Variants in HIRA observed in about 807,000 individuals in gnomAD.
HIRA encodes protein HIRA.
A neutral mutation model predicts 126.6 loss-of-function variants in HIRA; 13 were observed. The ratio of observed to expected loss-of-function variants is 0.10; its 90% CI spans 0.07 to 0.16. HIRA has a LOEUF of 0.16. HIRA is among the 10% of genes least tolerant of loss of function. HIRA has a pLI of 1.00. For synonymous variants in HIRA, 511 were observed against 520.0 expected (o/e 0.98, Z 0.24); for missense variants, 834 against 1,314.4 (o/e 0.63, Z 5.65).
intron 15 of HIRA, among the ~76,000 whole-genome samples, chr22:19,372,360 ACCTGTGCTTTGTATATAT>A (rs1453547007): frequency 6.6e-6 from 1 of 152,008 alleles, no homozygotes; most frequent in Non-Finnish European, 1.5e-5. Context: ...ATTTTTATGT[ACCTGTGCTTTGTATATAT>A]TCTCTGCAGT....
At chr22:19,361,147 AGG>A in intron 17 of HIRA, 88 bp downstream of exon 17, 1 of 1,012,064 alleles carries the variant, frequency 9.9e-7, no homozygotes. Flanking sequence ...CCAATCTCCA[AGG>A]AAGTGACAAG....
chr22:19,401,255 G>A (rs2089266367), intron 5 of HIRA, among the ~76,000 whole-genome samples: 1 of 152,038 alleles, frequency 6.6e-6, no homozygotes, highest in Non-Finnish European at 1.5e-5. Context: ...TAAGCAATAC[G>A]CTGCCTGTTC....
rs9618550 is a variant in HIRA, at chr22:19,364,369, T to C, written c.1776-2438A>G. Among the ~76,000 whole-genome samples, 331 of 152,338 alleles carry C rather than the reference T, an allele frequency of 2.2e-3. 1 individual carries two copies. Among genetic ancestry groups the C allele is most frequent in the African/African-American group, 7.6e-3 (315 of 41,574 alleles). ...AAGTACACAGGCATACCTTGTGTTA[T>C]TGTGCTTTACTTCACTGTGCTTCGC... On this transcript the variant is annotated intron_variant, in intron 15 of 24. Coordinates refer to ENST00000263208, the MANE Select transcript of HIRA (RefSeq NM_003325.4).
At chr22:19,335,310 T>A (rs1249120570) in intron 24 of HIRA, among the ~76,000 whole-genome samples, 2 of 152,074 alleles carry the variant, frequency 1.3e-5, no homozygotes, top group Admixed American at 1.3e-4. Context: ...AGTGGCGTGA[T>A]CTTGGCTCAC....
intron 14 of HIRA, among the ~76,000 whole-genome samples, chr22:19,376,613 G>A (rs553736964): frequency 9.2e-5 from 14 of 152,250 alleles, no homozygotes; most frequent in South Asian, 4.1e-4. Context: ...GGCTCCCTTC[G>A]TCCTGGCATG....
intron 1 of HIRA, among the ~76,000 whole-genome samples, chr22:19,422,051 A>G (rs894802409): frequency 6.6e-6 from 1 of 152,056 alleles, no homozygotes; most frequent in Non-Finnish European, 1.5e-5. Flanking sequence ...GAGAGATGCA[A>G]ATGTTCCTTA....
At chr22:19,342,376 C>T (rs782242680) in intron 24 of HIRA, among the ~76,000 whole-genome samples, 24 of 152,082 alleles carry the variant, frequency 1.6e-4, no homozygotes, top group South Asian at 6.2e-4. Flanking sequence ...GTACAACCAC[C>T]GTGGAAAACA....
Position 19,356,981 on chromosome 22 carries a change from AGAG to A in HIRA, c.2302_2304del (p.Leu768del). On this transcript the variant is annotated inframe_deletion, in exon 19 of 25. Transcript: ENST00000263208. ...ATCGGGGATGGCAGGAGGATGGGAG[AGAG>A]GAGACGGCGACCACAGGTGGAGAAC... 6.2e-7 allele frequency: 1 copy of A among 1,613,804 alleles called. No individual in the cohort carries two copies. Among genetic ancestry groups the A allele is most frequent in the Non-Finnish European group, 8.5e-7 (1 of 1,179,938 alleles).
intron 7 of HIRA, among the ~76,000 whole-genome samples, chr22:19,396,457 A>G (rs566863951): frequency 2.6e-5 from 4 of 152,376 alleles, no homozygotes; most frequent in African/African-American, 7.2e-5. Context: ...CGGAGGTTGC[A>G]GTGAGCTGAG....
intron 9 of HIRA, among the ~76,000 whole-genome samples, chr22:19,390,380 G>T (rs894230381): frequency 6.6e-6 from 1 of 151,954 alleles, no homozygotes; most frequent in African/African-American, 2.4e-5. Context: ...ATCACCTGAG[G>T]TCAGGAGTTT....
chr22:19,363,811 T>C (rs1173107628), intron 15 of HIRA, among the ~76,000 whole-genome samples: 5 of 152,058 alleles, frequency 3.3e-5, no homozygotes, highest in Admixed American at 1.3e-4. Context: ...GGTAGGAGAA[T>C]TGCTTGAACC....
chr22:19,348,376 G>C (rs558168609), intron 24 of HIRA, among the ~76,000 whole-genome samples: 1 of 152,074 alleles, frequency 6.6e-6, no homozygotes, highest in Non-Finnish European at 1.5e-5. Flanking sequence ...ATCTGCAAAG[G>C]CTCCTGATAC....
At chr22:19,397,474 G>T (rs1198151257) in intron 6 of HIRA, among the ~76,000 whole-genome samples, 1 of 152,218 alleles carries the variant, frequency 6.6e-6, no homozygotes, top group African/African-American at 2.4e-5. Context: ...AAATGACCTG[G>T]ATCCATAAGG....
At chr22:19,416,246 A>G (rs747788993) in intron 1 of HIRA, among the ~76,000 whole-genome samples, 3 of 152,236 alleles carry the variant, frequency 2.0e-5, no homozygotes, top group African/African-American at 4.8e-5. Context: ...AGACCTGCAT[A>G]TATATCTTAG....
rs1001822023 is a variant in HIRA, at chr22:19,351,026, T to C, written c.2937+332A>G. 1 of 524,388 alleles carries C rather than the reference T, an allele frequency of 1.9e-6. No individual in the cohort carries two copies. Among genetic ancestry groups the C allele is most frequent in the South Asian group, 8.2e-5 (1 of 12,168 alleles). 32.5% of individuals were successfully genotyped at this position (524,388 alleles called of 1,614,324 possible). On this transcript the variant is annotated intron_variant, in intron 24 of 24. Coordinates refer to ENST00000263208, the MANE Select transcript of HIRA (RefSeq NM_003325.4). This position sits in a 1 kb window ranked among gnomAD's most constrained non-coding sequence, Gnocchi z 4.8. ...GTTGACCTAACTGCCTCCCTGTTTATGTGTGCATCCCTACCAGACCGAGCT... is the reference window on the plus strand; with the variant it reads ...GTTGACCTAACTGCCTCCCTGTTTACGTGTGCATCCCTACCAGACCGAGCT...
chr22:19,375,413 T>C (rs1168927107), intron 15 of HIRA, among the ~76,000 whole-genome samples: 2 of 152,148 alleles, frequency 1.3e-5, no homozygotes, highest in Non-Finnish European at 2.9e-5. Flanking sequence ...TGCCGCGTCC[T>C]CCCCCATGAC....
At chr22:19,395,315 C>G (rs889667716) in intron 7 of HIRA, among the ~76,000 whole-genome samples, 1 of 152,150 alleles carries the variant, frequency 6.6e-6, no homozygotes, top group African/African-American at 2.4e-5. Context: ...CCCACCTCAG[C>G]TCTCAGCCTA....
At position 19,375,714 on chromosome 22, in the gene HIRA, C is replaced by T. The variant is rs150078394; in HGVS notation, c.1692G>A (p.Ala564=). Residue 564 remains alanine, a synonymous_variant, in exon 15 of 25, where the codon GCG becomes GCA. Transcript: ENST00000263208. ...ACCGCTCTGTGAACCGGGAGTCAAA[C>T]GCTTTCATGGGTTCGATCTTGGACG... ...TTPSKIEPMK[A]FDSRFTERSK... is the part of the protein sequence containing the mutation. 29 of 1,614,010 alleles carry T rather than the reference C, an allele frequency of 1.8e-5. No homozygotes were observed. Among genetic ancestry groups the T allele is most frequent in the South Asian group, 6.6e-5 (6 of 91,090 alleles).
chr22:19,420,035 A>C (rs2089430922), intron 1 of HIRA, among the ~76,000 whole-genome samples: 1 of 146,286 alleles, frequency 6.8e-6, no homozygotes. Context: ...TGCACCATAC[A>C]ACCATTGTGT....
Sources: allele counts gnomAD v4.1 joint callset (sites outside exome capture counted in the v4.1 genomes callset), GRCh38; gene constraint gnomAD v4.1.1; non-coding constraint Gnocchi (gnomAD v3.1); transcripts MANE v1.5; gene names NCBI Gene and HGNC (gene_info 2026-07-23, HGNC 2026-07-21).